INTS2: variants seen among roughly 807,000 people sequenced by gnomAD.
INTS2 encodes integrator complex subunit 2, also known as KIAA1287.
INTS2 carries 57 observed loss-of-function variants against 139.6 expected under a neutral mutation model. That is an observed-to-expected ratio of 0.41 (90% CI 0.33 to 0.51). The LOEUF (loss-of-function observed/expected upper bound fraction) is 0.51, where lower values mean the gene tolerates loss of function less well. Ranked by LOEUF, INTS2 falls within the 20% of genes least tolerant of loss-of-function variation. INTS2 has a pLI of 0.28. For missense variants in INTS2, 1,196 were observed against 1,436.7 expected (o/e 0.83, Z 2.71); for synonymous variants, 473 against 493.4 (o/e 0.96, Z 0.55).
rs1157633573 is a variant in INTS2 at position 61,873,634 on chromosome 17, A to G, written c.2583-1174T>C. 6.6e-6 allele frequency among the ~76,000 whole-genome samples: 1 copy of G among 152,174 alleles called. No homozygotes were observed. Among genetic ancestry groups the G allele is most frequent in the African/African-American group, 2.4e-5 (1 of 41,448 alleles). On this transcript the variant is annotated intron_variant, in intron 19 of 24. Coordinates refer to ENST00000251334, the MANE Select transcript of INTS2 (RefSeq NM_001351695.2). The surrounding 1 kb of genome is among the most constrained non-coding windows in gnomAD (Gnocchi z 4.0). ...TTATTAGATACTTAACATCATTTAC[A>G]TACACAGTTTGTTCTGATTCCTATT...
chr17:61,912,384 GGGGT>G (rs2079535953), intron 5 of INTS2, among the ~76,000 whole-genome samples: 6 of 118,316 alleles, frequency 5.1e-5, no homozygotes, highest in African/African-American at 1.8e-4. Context: ...GGGGGGGGGG[GGGGT>G]GCGGGGCATG....
intron 3 of INTS2, among the ~76,000 whole-genome samples, chr17:61,924,734 C>A (rs2079690832): frequency 6.6e-6 from 1 of 152,064 alleles, no homozygotes; most frequent in Non-Finnish European, 1.5e-5. Context: ...GAAGCTGAGG[C>A]AGGAGAACCG....
chr17:61,867,597 G>A lies in INTS2; in HGVS notation c.3551C>T (p.Thr1184Ile). 1 of 1,608,906 alleles carries A rather than the reference G, an allele frequency of 6.2e-7. No homozygotes were observed. The highest frequency in any genetic ancestry group is 2.2e-5 in the East Asian group (1 of 44,818). Residue 1184 changes from threonine (T) to isoleucine (I), a missense_variant, in exon 25 of 25, where the codon ACA becomes ATA. Coordinates refer to ENST00000251334, the MANE Select transcript of INTS2 (RefSeq NM_001351695.2). This position sits in a 1 kb window ranked among gnomAD's most constrained non-coding sequence, Gnocchi z 5.6. ...DVQLCHCIER[T>I]VIEIINMSVS... Reference sequence around the variant, plus strand: ...ACTCATATTTATTATTTCAATTACTGTTCTTTCAATACAGTGACAGAGCTG... The same window carrying A: ...ACTCATATTTATTATTTCAATTACTATTCTTTCAATACAGTGACAGAGCTG...
intron 19 of INTS2, chr17:61,874,294 C>G (rs1268388837): frequency 6.6e-6 from 1 of 152,194 alleles, no homozygotes; most frequent in East Asian, 1.9e-4. Flanking sequence ...TATTACGTAA[C>G]TTATCATGTA....
intron 5 of INTS2, among the ~76,000 whole-genome samples, chr17:61,916,557 C>A (rs1006970995): frequency 6.6e-6 from 1 of 152,160 alleles, no homozygotes; most frequent in Non-Finnish European, 1.5e-5. Flanking sequence ...GGAAAGGACT[C>A]CCTATTTAAC....
intron 13 of INTS2, among the ~76,000 whole-genome samples, chr17:61,892,086 T>C (rs972372450): frequency 6.6e-6 from 1 of 152,060 alleles, no homozygotes; most frequent in Non-Finnish European, 1.5e-5. Flanking sequence ...ACTAAGAAAA[T>C]GTCTCTGAAA....
rs768927989 is a variant in INTS2 at position 61,878,080 on chromosome 17, C to A, written c.2263G>T (p.Ala755Ser). The A allele has an allele frequency of 6.2e-7, 1 of 1,606,400 alleles. No individual in the cohort carries two copies. The highest frequency in any genetic ancestry group is 1.1e-5 in the South Asian group (1 of 90,930). Residue 755 changes from alanine (A) to serine (S), a missense_variant, in exon 18 of 25, where the codon GCT becomes TCT. Ala to Ser is a moderately conservative substitution (Grantham distance 99, BLOSUM62 1). Around this residue, in one of 3 missense-constraint regions of INTS2, gnomAD observed 1,129 missense variants for 1,341.9 expected, o/e 0.84. Coordinates refer to ENST00000251334, the MANE Select transcript of INTS2 (RefSeq NM_001351695.2). The part of the protein sequence containing the change: ...SPKQLQEAFS[A>S]VPVNNTQVMQ... ...ACTTGTGTGTTATTTACTGGGACAG[C>A]TGAAAATGCTAAAAAGAAAATTTAG...
In INTS2 at chr17:61,872,528, T is replaced by C; in HGVS notation, c.2583-68A>G. ...ATAAATTTATAAATTAGCCAGAACA[T>C]GATCAATTTAGTTTAAATGCTGAGA... On this transcript the variant is annotated intron_variant, in intron 19 of 24. Coordinates refer to ENST00000251334, the MANE Select transcript of INTS2 (RefSeq NM_001351695.2). This position sits in a 1 kb window ranked among gnomAD's most constrained non-coding sequence, Gnocchi z 4.8. 1 of 1,084,094 alleles carries C rather than the reference T, an allele frequency of 9.2e-7. No individual in the cohort carries two copies. Among genetic ancestry groups the C allele is most frequent in the Non-Finnish European group, 1.3e-6 (1 of 780,594 alleles). 67.2% of individuals were successfully genotyped at this position (1,084,094 alleles called of 1,614,324 possible).
intron 1 of INTS2, 53 bp downstream of exon 1, chr17:61,927,601 C>T: frequency 8.0e-7 from 1 of 1,248,330 alleles, no homozygotes; most frequent in Non-Finnish European, 1.0e-6. Context: ...TCTGGCCAGG[C>T]TCCGACACGG....
At position 61,909,381 on chromosome 17, in the gene INTS2, T is replaced by C. The variant is rs868001482; in HGVS notation, c.955-1747A>G. On this transcript the variant is annotated intron_variant, in intron 7 of 24. Coordinates refer to ENST00000251334, the MANE Select transcript of INTS2 (RefSeq NM_001351695.2). This position sits in a 1 kb window ranked among gnomAD's most constrained non-coding sequence, Gnocchi z 4.9. ...GCCTCAGCCTCCCAAAGTGCTGGGA[T>C]TACAGGCGTAAGCCACCCCACCCAG... Among the ~76,000 whole-genome samples the C allele has an allele frequency of 3.3e-5, 5 of 152,218 alleles. No homozygotes were observed. The highest frequency in any genetic ancestry group is 1.2e-4 in the African/African-American group (5 of 41,458).
At chr17:61,896,722 T>C (rs554898766) in intron 11 of INTS2, among the ~76,000 whole-genome samples, 3 of 152,280 alleles carry the variant, frequency 2.0e-5, no homozygotes, top group Non-Finnish European at 4.4e-5. Flanking sequence ...GATACCACTG[T>C]TCATCAACCA....
chr17:61,922,131 C>G (rs1278723798), intron 3 of INTS2, among the ~76,000 whole-genome samples: 1 of 152,098 alleles, frequency 6.6e-6, no homozygotes, highest in Non-Finnish European at 1.5e-5. Flanking sequence ...CCTACATAAA[C>G]TGCTTTAAAA....
rs372765802 is a variant in INTS2 at position 61,907,546 on chromosome 17, C to T, written c.1043G>A (p.Ser348Asn). ...ELMGILPTVR[S>N]TRIVEEADVD... ...ATCAGCTTCTTCCACAATTCGGGTG[C>T]TTCTTACTGTGGGAAGAATGCCCAT... Residue 348 changes from serine to asparagine, a missense_variant, in exon 8 of 25, where the codon AGC becomes AAC. Transcript: ENST00000251334. 7.7e-5 allele frequency: 122 copies of T among 1,594,344 alleles called. No homozygotes were observed. Among genetic ancestry groups the T allele is most frequent in the Middle Eastern group, 5.0e-4 (3 of 6,056 alleles).
chr17:61,882,356 C>T lies in INTS2; in HGVS notation c.2090-1185G>A, dbSNP rs1308857781. Among the ~76,000 whole-genome samples the T allele has an allele frequency of 3.3e-5, 5 of 152,186 alleles. No individual in the cohort carries two copies. Among genetic ancestry groups the T allele is most frequent in the Non-Finnish European group, 5.9e-5 (4 of 68,028 alleles). On this transcript the variant is annotated intron_variant, in intron 16 of 24. Coordinates refer to ENST00000251334, the MANE Select transcript of INTS2 (RefSeq NM_001351695.2). This position sits in a 1 kb window ranked among gnomAD's most constrained non-coding sequence, Gnocchi z 4.7. ...AAGAAGACCAAAAGAAATGGGAAAA[C>T]TTGTTACCAAATCAAAGCCTTATTT... is the stretch of plus-strand genomic sequence containing the variant.
intron 15 of INTS2, among the ~76,000 whole-genome samples, chr17:61,889,104 T>C (rs1224000162): frequency 6.6e-6 from 1 of 151,516 alleles, no homozygotes; most frequent in Non-Finnish European, 1.5e-5. Context: ...TTTTTTTTTT[T>C]TGAGACACAG....
intron 9 of INTS2, among the ~76,000 whole-genome samples, chr17:61,898,042 G>A (rs2079367020): frequency 6.6e-6 from 1 of 151,792 alleles, no homozygotes; most frequent in Non-Finnish European, 1.5e-5. Context: ...AGGCCCCTTG[G>A]GATTAACTTG....
Position 61,897,574 on chromosome 17 carries a change from G to T in INTS2, c.1389C>A (p.Gly463=). ...ACATCTCCCCAAAAGAAGCAGAGAC[G>T]CCTGAAGTACTGTCAAAACAAAATA... ...KEEAYFESTS[G]VSASFGEMLL... is the part of the protein sequence containing the mutation. The change falls in exon 11 of 25, where the codon GGC becomes GGA. Residue 463 remains glycine (G), a synonymous_variant. Coordinates refer to ENST00000251334, the MANE Select transcript of INTS2 (RefSeq NM_001351695.2). This position sits in a 1 kb window ranked among gnomAD's most constrained non-coding sequence, Gnocchi z 4.4. 1 of 1,599,642 alleles carries T rather than the reference G, an allele frequency of 6.3e-7. No individual in the cohort carries two copies. Among genetic ancestry groups the T allele is most frequent in the Non-Finnish European group, 8.5e-7 (1 of 1,172,434 alleles).
chr17:61,927,601 C>A, intron 1 of INTS2, 53 bp downstream of exon 1: 2 of 1,248,330 alleles, frequency 1.6e-6, no homozygotes, highest in Middle Eastern at 3.2e-4. Flanking sequence ...TCTGGCCAGG[C>A]TCCGACACGG....
At chr17:61,905,442 T>G (rs2079451785) in intron 8 of INTS2, among the ~76,000 whole-genome samples, 1 of 152,198 alleles carries the variant, frequency 6.6e-6, no homozygotes, top group Admixed American at 6.5e-5. Context: ...TTCTCCTGCC[T>G]CAGACTCCTG....
Sources: gnomAD v4.1 joint callset for allele counts (sites outside exome capture counted in the v4.1 genomes callset) on GRCh38, gnomAD v4.1.1 for gene constraint, gnomAD v4.1.1 regional missense constraint, Gnocchi (gnomAD v3.1) non-coding constraint, MANE v1.5 for transcripts, NCBI Gene and HGNC (gene_info 2026-07-23, HGNC 2026-07-21) for gene names.